The following RAB5A variants were observed in gnomAD, a reference collection of about 807,000 sequenced individuals.
RAB5A encodes the protein ras-related protein Rab-5A.
In RAB5A, 8 loss-of-function variants were observed where a neutral mutation model predicts 25.7. The ratio of observed to expected loss-of-function variants is 0.31; its 90% CI spans 0.18 to 0.56. RAB5A has a LOEUF of 0.56. Ranked by LOEUF, RAB5A falls within the 20% of genes least tolerant of loss-of-function variation. The pLI, the probability that RAB5A is intolerant of heterozygous loss-of-function variation, is 0.91. For missense variants in RAB5A, 192 were observed against 259.7 expected, an observed-to-expected ratio of 0.74 and a Z score of 1.79; for synonymous variants, 98 against 89.8, an observed-to-expected ratio of 1.09 and a Z score of -0.52.
chr3:19,951,329 A>G, intron 2 of RAB5A: 1 of 309,014 alleles, frequency 3.2e-6, no homozygotes, highest in South Asian at 7.2e-5. Context: ...TCAAGTAATA[A>G]CATTTGACCT....
At chr3:19,970,968 G>A (rs1396894788) in intron 2 of RAB5A, among the ~76,000 whole-genome samples, 3 of 152,018 alleles carry the variant, frequency 2.0e-5, no homozygotes, top group African/African-American at 2.4e-5. Context: ...AGGCCAAGGC[G>A]GATGGATCAC....
intron 2 of RAB5A, among the ~76,000 whole-genome samples, chr3:19,962,699 C>T (rs887890145): frequency 6.6e-6 from 1 of 152,180 alleles, no homozygotes; most frequent in Non-Finnish European, 1.5e-5. Flanking sequence ...TAGATATGCA[C>T]ATTGTTGTAT....
intron 2 of RAB5A, among the ~76,000 whole-genome samples, chr3:19,964,928 ACTTACTTT>A (rs1696639782): frequency 6.8e-6 from 1 of 147,572 alleles, no homozygotes; most frequent in Non-Finnish European, 1.5e-5. Flanking sequence ...TTACTTACTT[ACTTACTTT>A]ATTTATTTAT....
chr3:19,959,633 T>G lies in RAB5A; in HGVS notation c.163+8572T>G, dbSNP rs1052802752. On this transcript the variant is annotated intron_variant, in intron 2 of 5. Coordinates refer to ENST00000273047, the MANE Select transcript of RAB5A (RefSeq NM_004162.5). ...TTTCTGGTTGTGTTCTGATTTTTTTTTTTTTTTTTTTTGAGGCAGGGTCTT... is the reference window on the plus strand; with the variant it reads ...TTTCTGGTTGTGTTCTGATTTTTTTGTTTTTTTTTTTTGAGGCAGGGTCTT... 6.1e-4 allele frequency among the ~76,000 whole-genome samples: 91 copies of G among 149,818 alleles called. 2 individuals are homozygous for G. The highest frequency in any genetic ancestry group is 1.0e-4 in the Non-Finnish European group (7 of 67,372).
chr3:19,957,490 T>TAAA (rs57627468), intron 2 of RAB5A, among the ~76,000 whole-genome samples: 1 of 138,702 alleles, frequency 7.2e-6, no homozygotes, highest in Non-Finnish European at 1.6e-5. Flanking sequence ...CCATCCTTAC[T>TAAA]AAAAAAAAAA....
At chr3:19,951,701 G>GTTTTTTTTTTTTTTTTTTTTTTTTTT (rs61250458) in intron 2 of RAB5A, among the ~76,000 whole-genome samples, 2 of 99,012 alleles carry the variant, frequency 2.0e-5, no homozygotes, top group African/African-American at 8.2e-5. Context: ...TGCCAGGCAA[G>GTTTTTTTTTTTTTTTTTTTTTTTTTT]TTTTTTTTTT....
intron 5 of RAB5A, 74 bp downstream of exon 5, chr3:19,978,477 CTT>C (rs916770658): frequency 2.6e-6 from 3 of 1,171,090 alleles, no homozygotes; most frequent in East Asian, 2.4e-5. Flanking sequence ...TTGACTGTCT[CTT>C]TTTTAAAAAA....
chr3:19,952,699 G>T (rs1179588300), intron 2 of RAB5A, among the ~76,000 whole-genome samples: 10 of 152,048 alleles, frequency 6.6e-5, no homozygotes, highest in Admixed American at 3.3e-4. Flanking sequence ...TGAGTCAGAA[G>T]TCTTGGCATT....
chr3:19,979,432 C>T (rs1047958642), intron 5 of RAB5A, among the ~76,000 whole-genome samples: 1 of 151,696 alleles, frequency 6.6e-6, no homozygotes, highest in African/African-American at 2.4e-5. Context: ...TACAGGCACC[C>T]ACCACCATGC....
chr3:19,976,695 A>G (rs898209465), intron 4 of RAB5A, among the ~76,000 whole-genome samples: 28 of 152,194 alleles, frequency 1.8e-4, no homozygotes, highest in Non-Finnish European at 3.7e-4. Flanking sequence ...CAAAATAAAA[A>G]AGAAAAACAG....
chr3:19,960,112 G>C (rs1414080990), intron 2 of RAB5A, among the ~76,000 whole-genome samples: 1 of 152,110 alleles, frequency 6.6e-6, no homozygotes, highest in East Asian at 1.9e-4. Flanking sequence ...TTGGCAAACT[G>C]TTTCTCCCTT....
At chr3:19,978,271 GATATATCTC>G (rs1472564463) in intron 4 of RAB5A, 30 bp from the exon 5 acceptor site, 21 of 1,340,550 alleles carry the variant, frequency 1.6e-5, no homozygotes, top group African/African-American at 5.8e-5. Flanking sequence ...ATTTCCAAGA[GATATATCTC>G]ATATATCTCA....
At chr3:19,972,088 T>A (rs1281763270) in intron 2 of RAB5A, among the ~76,000 whole-genome samples, 1 of 151,946 alleles carries the variant, frequency 6.6e-6, no homozygotes, top group Non-Finnish European at 1.5e-5. Context: ...ATCAATATGA[T>A]GTCACAAGTG....
At chr3:19,972,073 C>T (rs1696760270) in intron 2 of RAB5A, among the ~76,000 whole-genome samples, 1 of 152,152 alleles carries the variant, frequency 6.6e-6, no homozygotes, top group South Asian at 2.1e-4. Context: ...CCAAATTCTT[C>T]GAGCATCAAT....
intron 4 of RAB5A, among the ~76,000 whole-genome samples, chr3:19,976,935 T>C (rs1219899519): frequency 6.6e-6 from 1 of 152,084 alleles, no homozygotes; most frequent in Non-Finnish European, 1.5e-5. Context: ...AATAATAAGC[T>C]AAAAACTAAT....
At chr3:19,950,727 T>C (rs953313807) in intron 1 of RAB5A, 79 bp from the exon 2 acceptor site, 1 of 582,300 alleles carries the variant, frequency 1.7e-6, no homozygotes, top group Non-Finnish European at 2.9e-6. Context: ...ATAATCATGC[T>C]ATAGGCAATA....
At chr3:19,949,933 G>A (rs1245112940) in intron 1 of RAB5A, among the ~76,000 whole-genome samples, 12 of 152,134 alleles carry the variant, frequency 7.9e-5, no homozygotes, top group Non-Finnish European at 1.6e-4. Context: ...AGCTACTCAG[G>A]AGGTTGAGGC....
chr3:19,960,463 G>A (rs1037205920), intron 2 of RAB5A, among the ~76,000 whole-genome samples: 1 of 151,950 alleles, frequency 6.6e-6, no homozygotes, highest in South Asian at 2.1e-4. Flanking sequence ...CCCTGCCCCC[G>A]GCTAATTTTG....
intron 2 of RAB5A, among the ~76,000 whole-genome samples, chr3:19,954,409 C>G (rs772633735): frequency 2.0e-5 from 3 of 152,080 alleles, no homozygotes; most frequent in African/African-American, 4.8e-5. Flanking sequence ...TGATTGTGTT[C>G]GAAGGTGGAT....
Sources: gnomAD v4.1 joint callset for allele counts (sites outside exome capture counted in the v4.1 genomes callset) on GRCh38, gnomAD v4.1.1 for gene constraint, MANE v1.5 for transcripts, NCBI Gene and HGNC (gene_info 2026-07-23, HGNC 2026-07-21) for gene names.